The following SHANK1 variants were observed in gnomAD, a reference collection of about 807,000 sequenced individuals.
SHANK1 encodes SH3 and multiple ankyrin repeat domains 1.
In SHANK1, 35 loss-of-function variants were observed where a neutral mutation model predicts 165.6. The observed-to-expected ratio is 0.21, with a 90% CI of 0.16 to 0.28. The LOEUF (loss-of-function observed/expected upper bound fraction) is 0.28. Among genes scored for constraint, SHANK1 ranks in the 10% least tolerant of loss-of-function variants. The pLI, the probability that SHANK1 is intolerant of heterozygous loss-of-function variation, is 1.00. For synonymous variants in SHANK1, 1,428 were observed against 1,384.8 expected (o/e 1.03, Z -0.69); for missense variants, 2,681 against 3,036.4 (o/e 0.88, Z 2.75).
chr19:50,694,072 C>T (rs1289794621), intron 15 of SHANK1, among the ~76,000 whole-genome samples: 2 of 151,746 alleles, frequency 1.3e-5, no homozygotes, highest in Non-Finnish European at 2.9e-5. Context: ...CAGTCCCAGA[C>T]AGCCTCGCTG....
chr19:50,713,441 G>C lies in SHANK1; in HGVS notation c.792+357C>G, dbSNP rs141601985. Among the ~76,000 whole-genome samples the C allele has an allele frequency of 4.1e-3, 626 of 152,078 alleles. 5 individuals carry two copies. The highest frequency in any genetic ancestry group is 0.014 in the African/African-American group (587 of 41,448). On this transcript the variant is annotated intron_variant, in intron 6 of 23. Transcript: ENST00000293441. This position sits in a 1 kb window ranked among gnomAD's most constrained non-coding sequence, Gnocchi z 6.2. The stretch of plus-strand genomic sequence containing the variant: ...GTGTGTGTGGAGGGGCTCTATCTGG[G>C]GGCATAGCAGGGAGCTCACTTCGTA...
At chr19:50,714,437 T>C in intron 4 of SHANK1, 147 bp from the exon 5 acceptor site, 1 of 693,080 alleles carries the variant, frequency 1.4e-6, no homozygotes, top group South Asian at 1.9e-5. Context: ...ACAGAGAAAA[T>C]ACCCAGCCCT....
intron 21 of SHANK1, among the ~76,000 whole-genome samples, chr19:50,673,104 G>A (rs982623455): frequency 2.0e-5 from 3 of 152,074 alleles, no homozygotes; most frequent in African/African-American, 7.2e-5. Context: ...CACAGCCCAC[G>A]ATGGACGGAT....
chr19:50,666,499 C>T lies in SHANK1; in HGVS notation c.5461G>A (p.Glu1821Lys). ...VAGGPVAVEPEVPPVPLPTAS... is the reference protein window; with the variant it reads ...VAGGPVAVEPKVPPVPLPTAS... ...GTCGGCAAGGGCACCGGTGGGACTT[C>T]TGGCTCTACAGCCACCGGACCCCCC... Residue 1821 changes from glutamate to lysine, a missense_variant, in exon 23 of 24, where the codon GAA (glutamate) becomes AAA (lysine). Transcript: ENST00000293441. 1 of 1,592,976 alleles carries T rather than the reference C, an allele frequency of 6.3e-7. No individual in the cohort carries two copies. Among genetic ancestry groups the T allele is most frequent in the Non-Finnish European group, 8.5e-7 (1 of 1,172,534 alleles).
Position 50,713,805 on chromosome 19 carries a change from G to A in SHANK1, c.785C>T (p.Ala262Val). The change falls in exon 6 of 24, where the codon GCA becomes GTA. Residue 262 changes from alanine to valine, a missense_variant. Around this residue, in one of 10 missense-constraint regions of SHANK1, gnomAD observed 189 missense variants for 440.9 expected, o/e 0.43. Coordinates refer to ENST00000293441, the MANE Select transcript of SHANK1 (RefSeq NM_016148.5). The surrounding 1 kb of genome is among the most constrained non-coding windows in gnomAD (Gnocchi z 6.2). ...GGGTCCCCGAAGCCTCACCGTGAGT[G>A]CCAGGCAGTGTCGGGCGCATGCGGC... Reference protein sequence around the residue: ...HKAACARHCLALTALLDLGGS... With the variant: ...HKAACARHCLVLTALLDLGGS... 1 of 1,613,274 alleles carries A rather than the reference G, an allele frequency of 6.2e-7. No individual in the cohort carries two copies. Among genetic ancestry groups the A allele is most frequent in the Non-Finnish European group, 8.5e-7 (1 of 1,179,928 alleles).
intron 12 of SHANK1, among the ~76,000 whole-genome samples, chr19:50,698,226 A>G (rs998933847): frequency 1.3e-5 from 2 of 152,080 alleles, no homozygotes; most frequent in Non-Finnish European, 2.9e-5. Flanking sequence ...CAGGTCCACA[A>G]TTGGTCCTTG....
intron 8 of SHANK1, among the ~76,000 whole-genome samples, chr19:50,708,332 C>G (rs1451187956): frequency 6.6e-6 from 1 of 152,194 alleles, no homozygotes; most frequent in East Asian, 1.9e-4. Context: ...TCATCCTACT[C>G]TTACAAAGCT....
Position 50,662,782 on chromosome 19 carries a change from A to C in SHANK1, c.5769-100T>G. 7.8e-7 allele frequency: 1 copy of C among 1,279,712 alleles called. No individual in the cohort carries two copies. The highest frequency in any genetic ancestry group is 1.3e-5 in the South Asian group (1 of 74,454). The allele number at this position is 1,279,712 out of a possible 1,614,324, so 79.3% of individuals were successfully genotyped here. On this transcript the variant is annotated intron_variant, in intron 23 of 23. Transcript: ENST00000293441. The surrounding 1 kb of genome is among the most constrained non-coding windows in gnomAD (Gnocchi z 7.7). ...GGTCAAGATATAGGGAGAGAGGAGG[A>C]GAGACATAAGGGTAGGGGGAGAGAC...
chr19:50,700,987 G>A (rs1986897972), intron 12 of SHANK1, among the ~76,000 whole-genome samples: 1 of 152,072 alleles, frequency 6.6e-6, no homozygotes, highest in Admixed American at 6.6e-5. Context: ...AGTGACTTAT[G>A]ACCTCACCTA....
rs1394966347 is a variant in SHANK1, at chr19:50,660,599, G to T, written c.*1366C>A. Among the ~76,000 whole-genome samples the T allele has an allele frequency of 1.3e-5, 2 of 151,804 alleles. No individual in the cohort carries two copies. The highest frequency in any genetic ancestry group is 4.8e-5 in the African/African-American group (2 of 41,274). ...CATGGAATGAGATGAGTGTGCAAAA[G>T]GAAAGAAGTGGTAGAGCTCTCATCC... On this transcript the variant is annotated 3_prime_UTR_variant, in exon 24 of 24. Transcript: ENST00000293441.
At chr19:50,699,761 ATGGCTTGGGCCATTGGG>A (rs1986847423) in intron 12 of SHANK1, among the ~76,000 whole-genome samples, 1 of 146,810 alleles carries the variant, frequency 6.8e-6, no homozygotes, top group African/African-American at 2.6e-5. Context: ...GGAGGATTGG[ATGGCTTGGGCCATTGGG>A]GGAATGGAGG....
In SHANK1 at chr19:50,697,767, AC is replaced by A; in HGVS notation, c.1861+75del. The A allele has an allele frequency of 1.3e-6, 2 of 1,506,626 alleles. No homozygotes were observed. The highest frequency in any genetic ancestry group is 2.3e-5 in the East Asian group (1 of 44,220). The allele number at this position is 1,506,626 out of a possible 1,614,324, so 93.3% of individuals were successfully genotyped here. A position where few individuals can be genotyped will look rare whatever the true frequency, so the allele number is the denominator to read the frequency against. On this transcript the variant is annotated intron_variant, in intron 13 of 23. Coordinates refer to ENST00000293441, the MANE Select transcript of SHANK1 (RefSeq NM_016148.5). This position sits in a 1 kb window ranked among gnomAD's most constrained non-coding sequence, Gnocchi z 4.7. ...CTTCCCATCTACCTCCCAGTACCCC[AC>A]CCCCATTAGGAAGGGAAAGGAGTGG...
At chr19:50,679,989 T>C (rs956341835) in intron 21 of SHANK1, among the ~76,000 whole-genome samples, 1 of 137,558 alleles carries the variant, frequency 7.3e-6, no homozygotes, top group Non-Finnish European at 1.6e-5. Flanking sequence ...GAGATAGAGA[T>C]GGAGAGACAG....
intron 22 of SHANK1, among the ~76,000 whole-genome samples, chr19:50,669,915 A>T (rs1985731368): frequency 6.6e-6 from 1 of 152,300 alleles, no homozygotes; most frequent in East Asian, 1.9e-4. Context: ...GGAGGCGTGC[A>T]GGAGTTAAGT....
Position 50,702,610 on chromosome 19 carries a change from C to T in SHANK1, c.1604G>A (p.Gly535Glu). Residue 535 changes from glycine (G) to glutamate (E), a missense_variant, in exon 12 of 24, where the codon GGG becomes GAG. Physicochemically the swap from Gly to Glu is moderately conservative, Grantham distance 98. Around this residue, in one of 10 missense-constraint regions of SHANK1, gnomAD observed 195 missense variants for 186.2 expected, o/e 1.05. Transcript: ENST00000293441. This position sits in a 1 kb window ranked among gnomAD's most constrained non-coding sequence, Gnocchi z 5.3. ...GCTGCCCAGGGAGCCCCCGGGGCCC[C>T]CTGAGCCCCCCGTGCCCCCGGCTGG... ...EGPAGGTGGS[G>E]GPGGSLGSRG... The T allele has an allele frequency of 6.3e-7, 1 of 1,593,096 alleles. No individual in the cohort carries two copies. Among genetic ancestry groups the T allele is most frequent in the Non-Finnish European group, 8.5e-7 (1 of 1,170,484 alleles).
chr19:50,662,968 G>T lies in SHANK1; in HGVS notation c.5769-286C>A, dbSNP rs73596615. 2 of 463,064 alleles carry T rather than the reference G, an allele frequency of 4.3e-6. No homozygotes were observed. Among genetic ancestry groups the T allele is most frequent in the African/African-American group, 2.0e-5 (1 of 50,174 alleles). The allele number at this position is 463,064 out of a possible 1,614,324, so 28.7% of individuals were successfully genotyped here. On this transcript the variant is annotated intron_variant, in intron 23 of 23. Coordinates refer to ENST00000293441, the MANE Select transcript of SHANK1 (RefSeq NM_016148.5). This position sits in a 1 kb window ranked among gnomAD's most constrained non-coding sequence, Gnocchi z 7.7. Reference sequence around the variant, plus strand: ...AGTGATAATAATAATAATCGTCACCGCTTACTGATGCTCACGTGTGCCAGG... The same window carrying T: ...AGTGATAATAATAATAATCGTCACCTCTTACTGATGCTCACGTGTGCCAGG...
At position 50,667,528 on chromosome 19, in the gene SHANK1, T is replaced by C; in HGVS notation, c.4432A>G (p.Arg1478Gly). ...TCGGGTTCTTCGGGGGCTGCGGACC[T>C]CCAGGGCTTGCTTACTCCGGGGTGC... is the stretch of plus-strand genomic sequence containing the variant. ...APHPGVSKPW[R>G]SAAPEEPERL... The change falls in exon 23 of 24, where the codon AGG (arginine) becomes GGG (glycine). Residue 1478 changes from arginine (R) to glycine (G), a missense_variant. By Grantham distance (125) the Arg-to-Gly change is moderately radical. Transcript: ENST00000293441. This position sits in a 1 kb window ranked among gnomAD's most constrained non-coding sequence, Gnocchi z 5.7. The C allele has an allele frequency of 6.7e-7, 1 of 1,502,320 alleles. No homozygotes were observed. The highest frequency in any genetic ancestry group is 1.3e-5 in the South Asian group (1 of 75,376). The allele number at this position is 1,502,320 out of a possible 1,614,324, so 93.1% of individuals were successfully genotyped here.
chr19:50,663,375 C>G (rs1367007158), intron 23 of SHANK1, among the ~76,000 whole-genome samples: 1 of 152,120 alleles, frequency 6.6e-6, no homozygotes, highest in East Asian at 1.9e-4. Context: ...TCCCCTCCAG[C>G]ACTGTCCCAC....
chr19:50,715,203 A>AG (rs1197146321), intron 4 of SHANK1, among the ~76,000 whole-genome samples: 3 of 151,868 alleles, frequency 2.0e-5, no homozygotes, highest in Non-Finnish European at 4.4e-5. Context: ...ATGGCTGGAA[A>AG]GGGGGGTGTA....
Sources: allele counts gnomAD v4.1 joint callset (sites outside exome capture counted in the v4.1 genomes callset), GRCh38; gene constraint gnomAD v4.1.1; regional missense constraint gnomAD v4.1.1; non-coding constraint Gnocchi (gnomAD v3.1); transcripts MANE v1.5; gene names NCBI Gene and HGNC (gene_info 2026-07-23, HGNC 2026-07-21).